GUCY2F: variants seen among roughly 807,000 people sequenced by gnomAD.
GUCY2F encodes guanylate cyclase 2F, retinal, also known as retinal guanylyl cyclase 2.
A neutral mutation model predicts 73.1 loss-of-function variants in GUCY2F; 61 were observed. The observed-to-expected ratio is 0.83, with a 90% confidence interval of 0.68 to 1.03. GUCY2F has a LOEUF of 1.03. Among genes scored for constraint, GUCY2F ranks in the 50% least tolerant of loss-of-function variants. The pLI is 0.00. For synonymous variants in GUCY2F, 331 were observed against 307.8 expected (o/e 1.08, Z -0.79); for missense variants, 912 against 854.3 (o/e 1.07, Z -0.84).
At chrX:109,411,189 T>C (rs1046584309) in intron 8 of GUCY2F, among the ~76,000 whole-genome samples, 21 of 105,379 alleles carry the variant, frequency 2.0e-4, no homozygotes, top group Non-Finnish European at 4.1e-4. Flanking sequence ...CCCACCCATA[T>C]GCCTTTAACC....
rs779176665 is a variant in GUCY2F, at chrX:109,475,716, A to G, written c.221T>C (p.Val74Ala). Reference protein sequence around the residue: ...DSLFSKALPEVAARLAIERIN... With the variant: ...DSLFSKALPEAAARLAIERIN... ...TCGCTCAATGGCTAATCGCGCAGCA[A>G]CCTCAGGCAGGGCCTTTGAAAACAG... The change falls in exon 2 of 20, where the codon GTT becomes GCT. Residue 74 changes from valine to alanine, a missense_variant. Transcript: ENST00000218006. 5 of 1,211,340 alleles carry G rather than the reference A, an allele frequency of 4.1e-6. No homozygotes were observed. The South Asian group carries it at 7.0e-5, about 17-fold the overall frequency.
intron 16 of GUCY2F, among the ~76,000 whole-genome samples, chrX:109,383,845 C>A (rs1406208960): frequency 8.9e-6 from 1 of 112,106 alleles, no homozygotes; most frequent in Non-Finnish European, 1.9e-5. Flanking sequence ...TGGTTCAGAC[C>A]AGAATATGAC....
chrX:109,430,037 A>G (rs1027149298), intron 8 of GUCY2F, among the ~76,000 whole-genome samples: 1 of 112,351 alleles, frequency 8.9e-6, no homozygotes, highest in Non-Finnish European at 1.9e-5. Context: ...TTTTGTAAAT[A>G]AGGAAACTAA....
At chrX:109,394,780 TTTTCATGTACCCC>T (rs1189626259) in intron 12 of GUCY2F, among the ~76,000 whole-genome samples, 4 of 112,144 alleles carry the variant, frequency 3.6e-5, no homozygotes, top group Non-Finnish European at 7.5e-5. Flanking sequence ...AGGTTATCAC[TTTTCATGTACCCC>T]ATTGCCTGGA....
chrX:109,402,377 T>C (rs1930862611), intron 10 of GUCY2F, among the ~76,000 whole-genome samples: 1 of 81,598 alleles, frequency 1.2e-5, no homozygotes, highest in Non-Finnish European at 2.1e-5. Flanking sequence ...AGGCGTTTTG[T>C]TTTTTTTTTT....
At chrX:109,387,182 G>A (rs1219624698) in intron 15 of GUCY2F, among the ~76,000 whole-genome samples, 1 of 111,843 alleles carries the variant, frequency 8.9e-6, no homozygotes, top group Non-Finnish European at 1.9e-5. Context: ...TGGGTTGTGA[G>A]AGTGAATAAG....
chrX:109,395,226 C>T, intron 12 of GUCY2F, 115 bp downstream of exon 12: 2 of 597,221 alleles, frequency 3.3e-6, no homozygotes, highest in Non-Finnish European at 2.7e-6. Flanking sequence ...AAGAGGAGTG[C>T]CCTTACCCCT....
intron 8 of GUCY2F, among the ~76,000 whole-genome samples, chrX:109,419,894 T>C (rs1217725136): frequency 9.1e-6 from 1 of 109,580 alleles, no homozygotes; most frequent in Non-Finnish European, 1.9e-5. Context: ...GTTAGAGGCT[T>C]ACACCACTTG....
At chrX:109,450,016 T>C (rs1443199647) in intron 5 of GUCY2F, among the ~76,000 whole-genome samples, 1 of 111,195 alleles carries the variant, frequency 9.0e-6, no homozygotes, top group African/African-American at 3.3e-5. Flanking sequence ...TGCTCAGCTC[T>C]TCTGATTGCA....
In GUCY2F at chrX:109,376,089, C is replaced by T; in HGVS notation, c.3229G>A (p.Asp1077Asn). 2 of 1,197,985 alleles carry T rather than the reference C, an allele frequency of 1.7e-6. No individual in the cohort carries two copies. Among genetic ancestry groups the T allele is most frequent in the Non-Finnish European group, 2.3e-6 (2 of 882,826 alleles). Reference protein sequence around the residue: ...MKPLPVPPPVDKDGQVGHGLQ... With the variant: ...MKPLPVPPPVNKDGQVGHGLQ... ...GTGAACTCCACTTACCCATCTTTGT[C>T]CACTGGTGGGGGCACAGGAAGGGGC... Residue 1077 changes from aspartate (D) to asparagine (N), a missense_variant, in exon 18 of 20, where the codon GAC (aspartate) becomes AAC (asparagine). Asp to Asn is a conservative substitution (Grantham distance 23). Coordinates refer to ENST00000218006, the MANE Select transcript of GUCY2F (RefSeq NM_001522.3).
intron 3 of GUCY2F, among the ~76,000 whole-genome samples, chrX:109,460,796 C>G (rs1219942250): frequency 9.0e-6 from 1 of 111,460 alleles, no homozygotes; most frequent in Non-Finnish European, 1.9e-5. Context: ...AATAGGAAGA[C>G]AGAGAGCCCC....
intron 8 of GUCY2F, among the ~76,000 whole-genome samples, chrX:109,422,236 T>G (rs116328667): frequency 0.018 from 2,033 of 111,734 alleles, 44 homozygotes; most frequent in African/African-American, 0.063. Flanking sequence ...TATACCTGAA[T>G]AGAAAACATA....
chrX:109,408,964 C>A, intron 9 of GUCY2F, 28 bp downstream of exon 9: 1 of 824,772 alleles, frequency 1.2e-6, no homozygotes, highest in East Asian at 3.2e-5. Flanking sequence ...CAGAGAAAAT[C>A]CAAGATTTCC....
Position 109,441,498 on chromosome X carries a change from G to A in GUCY2F, c.1570-16C>T, listed in dbSNP as rs1569368744. 1 of 1,132,363 alleles carries A rather than the reference G, an allele frequency of 8.8e-7. No homozygotes were observed. Among genetic ancestry groups the A allele is most frequent in the African/African-American group, 1.8e-5 (1 of 54,890 alleles). The allele number at this position is 1,132,363 out of a possible 1,213,427, so 93.3% of individuals were successfully genotyped here. A position where few individuals can be genotyped will look rare whatever the true frequency, so the allele number is the denominator to read the frequency against. On this transcript the variant is annotated splice_polypyrimidine_tract_variant and intron_variant, in intron 6 of 19. Transcript: ENST00000218006. ...GACTTCCTCTCTGTGAAAGGATTAG[G>A]AAAGAAAAGTTATGACCAAAATACT...
intron 3 of GUCY2F, among the ~76,000 whole-genome samples, chrX:109,456,765 G>C (rs1274795838): frequency 8.9e-6 from 1 of 111,850 alleles, no homozygotes; most frequent in Non-Finnish European, 1.9e-5. Context: ...CAAGGCCTTG[G>C]AGTTGTGCTG....
Position 109,382,205 on chromosome X carries a change from G to C in GUCY2F, c.3063C>G (p.Arg1021=). ...TAACAGTGCTGAGACTGACATGAAT[G>C]CGATAAGCTGCAAAAGAAGGAGAGA... ...SRMESTGLPY[R]IHVSLSTVTI... Residue 1021 remains arginine (R), a synonymous_variant, in exon 17 of 20, where the codon CGC becomes CGG. Transcript: ENST00000218006. 8.8e-7 allele frequency: 1 copy of C among 1,142,564 alleles called. No individual in the cohort carries two copies. The highest frequency in any genetic ancestry group is 1.8e-5 in the South Asian group (1 of 54,478). 94.2% of individuals were successfully genotyped at this position (1,142,564 alleles called of 1,213,427 possible).
At chrX:109,446,904 A>G (rs1464225329) in intron 6 of GUCY2F, among the ~76,000 whole-genome samples, 1 of 112,280 alleles carries the variant, frequency 8.9e-6, no homozygotes, top group Admixed American at 9.4e-5. Context: ...TCCAGAATCT[A>G]CAAAGAACTT....
intron 7 of GUCY2F, among the ~76,000 whole-genome samples, chrX:109,436,024 G>T (rs754692543): frequency 1.8e-5 from 2 of 111,311 alleles, no homozygotes; most frequent in East Asian, 5.7e-4. Flanking sequence ...GCTGGATTCG[G>T]TTTGCCAGCA....
chrX:109,454,548 A>G (rs1269277851), intron 3 of GUCY2F, among the ~76,000 whole-genome samples: 2 of 112,115 alleles, frequency 1.8e-5, no homozygotes, highest in Non-Finnish European at 3.8e-5. Context: ...GCAAAGTGGC[A>G]AAGCTTCAAC....
Sources: allele counts gnomAD v4.1 joint callset (sites outside exome capture counted in the v4.1 genomes callset), GRCh38; gene constraint gnomAD v4.1.1; transcripts MANE v1.5; gene names NCBI Gene and HGNC (gene_info 2026-07-23, HGNC 2026-07-21).